SMPD4: variants seen among roughly 807,000 people sequenced by gnomAD.
The protein encoded by SMPD4 is sphingomyelin phosphodiesterase 4.
A neutral mutation model predicts 97.8 loss-of-function variants in SMPD4; 58 were observed. The ratio of observed to expected loss-of-function variants is 0.59; its 90% CI spans 0.48 to 0.74. The LOEUF (loss-of-function observed/expected upper bound fraction) is 0.74, where lower values mean the gene tolerates loss of function less well. Among genes scored for constraint, SMPD4 ranks in the 30% least tolerant of loss-of-function variants. The pLI is 0.00. For missense variants in SMPD4, 853 were observed against 1,080.5 expected, an observed-to-expected ratio of 0.79 and a Z score of 2.95; for synonymous variants, 388 against 450.0, an observed-to-expected ratio of 0.86 and a Z score of 1.74.
Position 130,174,988 on chromosome 2 carries a change from C to A in SMPD4, c.52G>T (p.Ala18Ser), listed in dbSNP as rs1688832117. Reference protein sequence around the residue: ...QPSFLLASLKADSINKPFAQQ... With the variant: ...QPSFLLASLKSDSINKPFAQQ... Reference sequence around the variant, plus strand: ...GCAAAGGGCTTATTTATAGAGTCAGCTTTCAGGCTAGCCTAGAAGACAGAA... The same window carrying A: ...GCAAAGGGCTTATTTATAGAGTCAGATTTCAGGCTAGCCTAGAAGACAGAA... The change falls in exon 3 of 20, where the codon GCT becomes TCT. Residue 18 changes from alanine (A) to serine (S), a missense_variant. Ala to Ser is a moderately conservative substitution (Grantham distance 99). Around this residue, in one of 3 missense-constraint regions of SMPD4, gnomAD observed 313 missense variants for 402.2 expected, o/e 0.78. Transcript: ENST00000680298. The A allele has an allele frequency of 6.2e-7, 1 of 1,607,008 alleles. No homozygotes were observed. The highest frequency in any genetic ancestry group is 1.3e-5 in the African/African-American group (1 of 74,954).
chr2:130,153,554 A>G, intron 17 of SMPD4, 104 bp from the exon 18 acceptor site: 1 of 1,581,488 alleles, frequency 6.3e-7, no homozygotes, highest in Non-Finnish European at 8.6e-7. Flanking sequence ...CCCAGCTATG[A>G]CGCTCGGGGT....
At chr2:130,157,081 G>A (rs1267092985) in intron 12 of SMPD4, among the ~76,000 whole-genome samples, 170 bp downstream of exon 12, 1 of 152,070 alleles carries the variant, frequency 6.6e-6, no homozygotes, top group Non-Finnish European at 1.5e-5. Flanking sequence ...CAACTGGGCG[G>A]GGTGAGAGGA....
intron 10 of SMPD4, among the ~76,000 whole-genome samples, chr2:130,163,393 C>A (rs1687617087): frequency 6.6e-6 from 1 of 152,208 alleles, no homozygotes; most frequent in Non-Finnish European, 1.5e-5. Flanking sequence ...GAGAGAGCCT[C>A]CACATGGCAA....
intron 11 of SMPD4, 76 bp downstream of exon 11, chr2:130,161,110 G>C: frequency 1.4e-6 from 2 of 1,423,382 alleles, no homozygotes. Context: ...ACCAGCGGCC[G>C]GCCCCGGCGG....
At chr2:130,165,541 A>C (rs1380610832) in intron 9 of SMPD4, among the ~76,000 whole-genome samples, 1 of 152,256 alleles carries the variant, frequency 6.6e-6, no homozygotes, top group Non-Finnish European at 1.5e-5. Context: ...AAAAGCAAGG[A>C]AATTCTGACA....
chr2:130,154,888 C>G, intron 15 of SMPD4: 1 of 693,596 alleles, frequency 1.4e-6, no homozygotes, highest in African/African-American at 1.8e-5. Context: ...ATCCCCCACC[C>G]AGTGCCTGGT....
At chr2:130,153,258 G>A in intron 18 of SMPD4, 61 bp downstream of exon 18, 5 of 1,612,684 alleles carry the variant, frequency 3.1e-6, no homozygotes, top group Non-Finnish European at 4.2e-6. Context: ...TCACAAGGGA[G>A]GAGGGAGCTG....
Position 130,172,497 on chromosome 2 carries a change from G to A in SMPD4, c.511C>T (p.Leu171Phe). The change falls in exon 8 of 20, where the codon CTT becomes TTT. Residue 171 changes from leucine (L) to phenylalanine (F), a missense_variant. By Grantham distance (22) the Leu-to-Phe change is conservative (BLOSUM62 0). This residue lies in a region of SMPD4 where 313 missense variants were observed against 402.2 expected (regional missense o/e 0.78). Coordinates refer to ENST00000680298, the MANE Select transcript of SMPD4 (RefSeq NM_017951.5). ...GTACGGACGTGGAGGGACACAGGAA[G>A]TGGCTGGAAAACCAAGCTAGTTGTT... ...FALSLITQKP[L>F]PVSLHVRTSD... 3 of 1,611,484 alleles carry A rather than the reference G, an allele frequency of 1.9e-6. No individual in the cohort carries two copies. Among genetic ancestry groups the A allele is most frequent in the South Asian group, 2.2e-5 (2 of 90,864 alleles).
chr2:130,157,384 G>C lies in SMPD4; in HGVS notation c.964C>G (p.Pro322Ala), dbSNP rs895063402. 1.2e-6 allele frequency: 2 copies of C among 1,610,184 alleles called. No homozygotes were observed. The highest frequency in any genetic ancestry group is 1.7e-6 in the Non-Finnish European group (2 of 1,179,042). ...ACCACCAACACATGCTCCTCAGTAG[G>C]CGTGAACGACTCCTGGGTGGAGAAG... is the stretch of plus-strand genomic sequence containing the variant. ...ALHAYQESFT[P>A]TEEHVLVVRL... is the part of the protein sequence containing the mutation. Residue 322 changes from proline (P) to alanine (A), a missense_variant, in exon 12 of 20, where the codon CCT becomes GCT. By Grantham distance (27) the Pro-to-Ala change is conservative. This residue lies in a region of SMPD4 where 313 missense variants were observed against 402.2 expected (regional missense o/e 0.78). Transcript: ENST00000680298.
intron 5 of SMPD4, 150 bp from the exon 6 acceptor site, chr2:130,173,045 G>A (rs1688629267): frequency 8.2e-7 from 1 of 1,220,332 alleles, no homozygotes; most frequent in Non-Finnish European, 1.1e-6. Flanking sequence ...CCCTGCCTCT[G>A]AGCAGTGCCT....
At chr2:130,162,374 A>G (rs1687513616) in intron 10 of SMPD4, among the ~76,000 whole-genome samples, 1 of 152,244 alleles carries the variant, frequency 6.6e-6, no homozygotes, top group Non-Finnish European at 1.5e-5. Context: ...TGGGCTCCAC[A>G]CAGGAGAAAT....
Position 130,172,480 on chromosome 2 carries a change from G to A in SMPD4, c.528C>T (p.His176=), listed in dbSNP as rs762290286. 2.2e-5 allele frequency: 36 copies of A among 1,611,560 alleles called. No homozygotes were observed. Among genetic ancestry groups the A allele is most frequent in the Middle Eastern group, 1.7e-4 (1 of 6,054 alleles). ...AATAGGCACAGTCTGAAGTACGGAC[G>A]TGGAGGGACACAGGAAGTGGCTGGA... ...ITQKPLPVSL[H]VRTSDCAYFI... Residue 176 remains histidine (H), a synonymous_variant, in exon 8 of 20, where the codon CAC becomes CAT. Transcript: ENST00000680298.
chr2:130,154,602 C>T lies in SMPD4; in HGVS notation c.1454-120G>A, dbSNP rs1000387399. 2.8e-5 allele frequency: 39 copies of T among 1,381,940 alleles called. 1 individual carries two copies. The Admixed American group carries it at 7.5e-4, about 27-fold the overall frequency. 85.6% of individuals were successfully genotyped at this position (1,381,940 alleles called of 1,614,324 possible). A position where few individuals can be genotyped will look rare whatever the true frequency, so the allele number is the denominator to read the frequency against. On this transcript the variant is annotated intron_variant, in intron 15 of 19. Transcript: ENST00000680298. The stretch of plus-strand genomic sequence containing the variant: ...GGAGCCATGACCCAGGGGTGTCCTC[C>T]TGAGGCCCTGCCTGGCAGCATCTCC...
Position 130,172,694 on chromosome 2 carries a change from G to A in SMPD4, c.455-17C>T, listed in dbSNP as rs778070831. 27 of 1,614,168 alleles carry A rather than the reference G, an allele frequency of 1.7e-5. No homozygotes were observed. The highest frequency in any genetic ancestry group is 1.1e-4 in the East Asian group (5 of 44,878). ...CGAACGGATCTGAGAGCAGCGTCAG[G>A]GGCAAACATGCAGGGTTGATGAGCC... is the stretch of plus-strand genomic sequence containing the variant. On this transcript the variant is annotated splice_polypyrimidine_tract_variant and intron_variant, in intron 6 of 19. Transcript: ENST00000680298.
intron 3 of SMPD4, among the ~76,000 whole-genome samples, chr2:130,173,972 T>A (rs1206260432): frequency 5.5e-4 from 82 of 149,470 alleles, no homozygotes; most frequent in Middle Eastern, 3.4e-3. Context: ...TAAATAAATT[T>A]AAAAAAAAAC....
chr2:130,172,893 AC>A lies in SMPD4; in HGVS notation c.347del (p.Gly116ValfsTer3). 2 of 1,609,838 alleles carry A rather than the reference AC, an allele frequency of 1.2e-6. No individual in the cohort carries two copies. Among genetic ancestry groups the A allele is most frequent in the Non-Finnish European group, 1.7e-6 (2 of 1,178,038 alleles). On this transcript the variant is annotated frameshift_variant and splice_region_variant, in exon 6 of 20. Coordinates refer to ENST00000680298, the MANE Select transcript of SMPD4 (RefSeq NM_017951.5). LOFTEE classifies it high-confidence loss of function. Reference protein sequence around the residue: ...KFDFPVSYLPGPVKASIQECI... With the variant: ...KFDFPVSYLPXPVKASIQECI... ...ACTCCTGGATGGACGCCTTCACAGG[AC>A]CCTGCAGAGAGAGGCAGTGAGGCTT...
In SMPD4 at chr2:130,161,308, G is replaced by A. The variant is rs369136880; in HGVS notation, c.865-36C>T. On this transcript the variant is annotated intron_variant, in intron 10 of 19. Transcript: ENST00000680298. Reference sequence around the variant, plus strand: ...AAACAGAGAGATGCCGGAAGAGGCCGAAGAGCAGAGGACAAGAGAATGGGG... The same window carrying A: ...AAACAGAGAGATGCCGGAAGAGGCCAAAGAGCAGAGGACAAGAGAATGGGG... 4.1e-5 allele frequency: 65 copies of A among 1,588,222 alleles called. No homozygotes were observed. The African/African-American group carries it at 4.6e-4, about 11-fold the overall frequency.
chr2:130,156,934 C>T, intron 12 of SMPD4: 1 of 1,018,388 alleles, frequency 9.8e-7, no homozygotes, highest in Non-Finnish European at 1.4e-6. Flanking sequence ...ATACAAACAG[C>T]CCACTCTGCT....
intron 8 of SMPD4, 116 bp downstream of exon 8, chr2:130,172,233 A>C: frequency 8.5e-7 from 1 of 1,180,266 alleles, no homozygotes; most frequent in Non-Finnish European, 1.2e-6. Flanking sequence ...GGAATGAGGC[A>C]TAAGAAAAAT....
Sources: allele counts gnomAD v4.1 joint callset (sites outside exome capture counted in the v4.1 genomes callset), GRCh38; gene constraint gnomAD v4.1.1; regional missense constraint gnomAD v4.1.1; transcripts MANE v1.5; gene names NCBI Gene and HGNC (gene_info 2026-07-23, HGNC 2026-07-21).